Variants in CD36 observed in about 807,000 individuals in gnomAD.
CD36 encodes the protein CD36 molecule (CD36 blood group), also known as platelet glycoprotein 4.
In CD36, 119 loss-of-function variants were observed where a neutral mutation model predicts 55.2. The ratio of observed to expected loss-of-function variants is 2.15; its 90% CI spans 1.86 to 2.51. The LOEUF is 2.51. CD36 is among the 30% of genes most tolerant of loss of function. The probability of loss-of-function intolerance (pLI) is 0.00; values close to 1 mark genes in which losing one functional copy is unlikely to be tolerated. For synonymous variants in CD36, 186 were observed against 193.6 expected, an observed-to-expected ratio of 0.96 and a Z score of 0.33; for missense variants, 819 against 555.5, an observed-to-expected ratio of 1.47 and a Z score of -4.77.
intron 1 of CD36, among the ~76,000 whole-genome samples, chr7:80,614,529 A>G (rs952089403): frequency 4.6e-5 from 7 of 152,166 alleles, no homozygotes; most frequent in African/African-American, 1.7e-4. Context: ...TAAAAATGAA[A>G]TTATCAATGT....
rs1462982123 is a variant in CD36 at position 80,674,052 on chromosome 7, G to GGCCT, written c.1326_1329dup (p.Ile444ProfsTer111). 7 of 1,611,548 alleles carry GGCCT rather than the reference G, an allele frequency of 4.3e-6. No homozygotes were observed. The highest frequency in any genetic ancestry group is 5.9e-6 in the Non-Finnish European group (7 of 1,178,334). On this transcript the variant is annotated frameshift_variant, in exon 14 of 15. Coordinates refer to ENST00000447544, the MANE Select transcript of CD36 (RefSeq NM_001001548.3). LOFTEE classifies it high-confidence loss of function. ...AGTAACTGGAAAAATAAACCTCCTT[G>GGCCT]GCCTGATAGAAATGATCTTACTCAG...
intron 3 of CD36, among the ~76,000 whole-genome samples, chr7:80,654,747 G>T (rs1795908980): frequency 6.6e-6 from 1 of 152,054 alleles, no homozygotes; most frequent in South Asian, 2.1e-4. Context: ...GTAGGATTTT[G>T]AAATTCCATT....
rs1584395639 is a variant in CD36, at chr7:80,654,463, T to G, written c.121-2077T>G. 3.3e-5 allele frequency among the ~76,000 whole-genome samples: 5 copies of G among 152,312 alleles called. 1 individual carries two copies. The highest frequency in any genetic ancestry group is 3.3e-4 in the Admixed American group (5 of 15,290). On this transcript the variant is annotated intron_variant, in intron 3 of 14. Coordinates refer to ENST00000447544, the MANE Select transcript of CD36 (RefSeq NM_001001548.3). Reference sequence around the variant, plus strand: ...GAGGAGAATAATGTTTGTGTTTGTGTGTTCTCCCTTGTTAAGTCTCTTGAA... The same window carrying G: ...GAGGAGAATAATGTTTGTGTTTGTGGGTTCTCCCTTGTTAAGTCTCTTGAA...
chr7:80,673,200 G>A, intron 12 of CD36, 155 bp from the exon 13 acceptor site: 2 of 524,732 alleles, frequency 3.8e-6, no homozygotes, highest in Non-Finnish European at 3.4e-6. Flanking sequence ...TAAGAGCAAA[G>A]GAAGTCAAAA....
chr7:80,660,706 G>A (rs756488514), intron 4 of CD36, among the ~76,000 whole-genome samples: 9 of 152,042 alleles, frequency 5.9e-5, no homozygotes, highest in Non-Finnish European at 1.3e-4. Context: ...AACTAAACTT[G>A]TATTTGTTAC....
In CD36 at chr7:80,661,202, G is replaced by T. The variant is rs1010468957; in HGVS notation, c.421G>T (p.Ala141Ser). Reference sequence around the variant, plus strand: ...TGACAACTTCACAGTTCTCAATCTGGCTGTGGCAGTGAGTAGACAAACAAC... The same window carrying T: ...TGACAACTTCACAGTTCTCAATCTGTCTGTGGCAGTGAGTAGACAAACAAC... ...EADNFTVLNL[A>S]VAAASHIYQN... The change falls in exon 5 of 15, where the codon GCT becomes TCT. Residue 141 changes from alanine (A) to serine (S), a missense_variant. Ala to Ser is a moderately conservative substitution (Grantham distance 99). Transcript: ENST00000447544. 3 of 1,613,832 alleles carry T rather than the reference G, an allele frequency of 1.9e-6. No homozygotes were observed. Among genetic ancestry groups the T allele is most frequent in the African/African-American group, 2.7e-5 (2 of 74,902 alleles).
At chr7:80,655,066 A>G (rs569114237) in intron 3 of CD36, among the ~76,000 whole-genome samples, 2 of 152,232 alleles carry the variant, frequency 1.3e-5, no homozygotes, top group South Asian at 4.1e-4. Context: ...TCCTTTCCTA[A>G]TCTGTCATTC....
chr7:80,670,406 G>A, intron 9 of CD36: 1 of 268,648 alleles, frequency 3.7e-6, no homozygotes, highest in Non-Finnish European at 7.1e-6. Flanking sequence ...CTACCCTTGA[G>A]CCCAAGCTCT....
At chr7:80,658,154 T>C (rs914079683) in intron 4 of CD36, among the ~76,000 whole-genome samples, 2 of 152,188 alleles carry the variant, frequency 1.3e-5, no homozygotes, top group African/African-American at 4.8e-5. Flanking sequence ...ACTTAGTTTT[T>C]ATGGGTACAA....
At chr7:80,667,869 A>G (rs1051486019) in intron 8 of CD36, among the ~76,000 whole-genome samples, 10 of 150,298 alleles carry the variant, frequency 6.7e-5, no homozygotes, top group African/African-American at 2.0e-4. Flanking sequence ...TCCTACCTCA[A>G]TCTCATGAGT....
chr7:80,632,087 T>TTA (rs947678355), intron 1 of CD36, among the ~76,000 whole-genome samples: 5 of 151,952 alleles, frequency 3.3e-5, no homozygotes, highest in African/African-American at 1.2e-4. Context: ...AAACCTTCCC[T>TTA]TAAGGTTTTT....
At chr7:80,663,198 A>C (rs771588340) in intron 6 of CD36, 29 bp downstream of exon 6, 1 of 1,552,872 alleles carries the variant, frequency 6.4e-7, no homozygotes. Context: ...TGGCAATATT[A>C]TTACATTTTA....
chr7:80,670,385 A>G, intron 9 of CD36: 1 of 288,394 alleles, frequency 3.5e-6, no homozygotes, highest in Non-Finnish European at 6.6e-6. Context: ...CAAGCACTGG[A>G]GCCTTTACCA....
At chr7:80,624,629 T>G (rs890651406) in intron 1 of CD36, among the ~76,000 whole-genome samples, 1 of 152,030 alleles carries the variant, frequency 6.6e-6, no homozygotes, top group East Asian at 1.9e-4. Context: ...ATATATATCC[T>G]GCCAGACATG....
In CD36 at chr7:80,679,059, T is replaced by C. The variant is rs1208708799; in HGVS notation, c.*2676T>C. The C allele has an allele frequency of 6.6e-6, 1 of 152,158 alleles. No homozygotes were observed. The highest frequency in any genetic ancestry group is 2.4e-5 in the African/African-American group (1 of 41,430). 9.4% of individuals were successfully genotyped at this position (152,158 alleles called of 1,614,324 possible). A position where few individuals can be genotyped will look rare whatever the true frequency, so the allele number is the denominator to read the frequency against. ...TTCTAAATGGATTTTGAACTCAATG[T>C]CGTCGCTTCTGGTTTCCTGCATATA... On this transcript the variant is annotated 3_prime_UTR_variant, in exon 15 of 15. Coordinates refer to ENST00000447544, the MANE Select transcript of CD36 (RefSeq NM_001001548.3).
At chr7:80,632,260 TAA>T (rs200544591) in intron 1 of CD36, among the ~76,000 whole-genome samples, 10 of 139,408 alleles carry the variant, frequency 7.2e-5, no homozygotes, top group Non-Finnish European at 7.9e-5. Context: ...CTTCTCCATT[TAA>T]AAAAAAAAAA....
chr7:80,667,757 T>TG lies in CD36; in HGVS notation c.748+1268_748+1269insG, dbSNP rs1554344809. Among the ~76,000 whole-genome samples the TG allele has an allele frequency of 4.7e-4, 67 of 141,654 alleles. 1 individual carries two copies. The highest frequency in any genetic ancestry group is 1.0e-3 in the Admixed American group (15 of 14,328). The allele number at this position is 141,654 out of a possible 152,430, so 92.9% of individuals were successfully genotyped here. Reference sequence around the variant, plus strand: ...CAGGGGTTTTCTTTTGTTTTTTTTTTTTTTTTTTTTTGAGACATAGTCTGG... The same window carrying TG: ...CAGGGGTTTTCTTTTGTTTTTTTTTTGTTTTTTTTTTTGAGACATAGTCTGG... On this transcript the variant is annotated intron_variant, in intron 8 of 14. Coordinates refer to ENST00000447544, the MANE Select transcript of CD36 (RefSeq NM_001001548.3).
chr7:80,605,317 T>C (rs1163516418), intron 1 of CD36, among the ~76,000 whole-genome samples: 1 of 152,194 alleles, frequency 6.6e-6, no homozygotes, highest in African/African-American at 2.4e-5. Context: ...TATAAGAATC[T>C]AGGATCATTT....
intron 1 of CD36, among the ~76,000 whole-genome samples, chr7:80,615,368 G>T (rs558671818): frequency 1.8e-4 from 27 of 152,194 alleles, no homozygotes; most frequent in Middle Eastern, 3.4e-3. Context: ...TTCAAGGTCT[G>T]GTATCCACCT....
Sources: allele counts gnomAD v4.1 joint callset (sites outside exome capture counted in the v4.1 genomes callset), GRCh38; gene constraint gnomAD v4.1.1; transcripts MANE v1.5; gene names NCBI Gene and HGNC (gene_info 2026-07-23, HGNC 2026-07-21).